Variants in MND1 observed in about 807,000 individuals in gnomAD.
MND1 encodes meiotic nuclear divisions 1.
Under a neutral mutation model 35.1 loss-of-function variants are expected in MND1, and 28 were observed. The observed-to-expected ratio is 0.80, with a 90% CI of 0.59 to 1.09. The LOEUF is 1.09. Among genes scored for constraint, MND1 ranks in the 50% least tolerant of loss-of-function variants. The pLI, the probability that MND1 is intolerant of heterozygous loss-of-function variation, is 0.00. For missense variants in MND1, 213 were observed against 239.6 expected, an observed-to-expected ratio of 0.89 and a Z score of 0.73; for synonymous variants, 69 against 70.5, an observed-to-expected ratio of 0.98 and a Z score of 0.11.
At chr4:153,361,140 T>C (rs964017758) in intron 4 of MND1, among the ~76,000 whole-genome samples, 3 of 152,200 alleles carry the variant, frequency 2.0e-5, no homozygotes, top group Admixed American at 6.5e-5. Context: ...CCTGTAACCC[T>C]GTGCACTTTA....
chr4:153,406,441 G>A (rs946267598), intron 6 of MND1, among the ~76,000 whole-genome samples: 11 of 152,012 alleles, frequency 7.2e-5, no homozygotes, highest in Non-Finnish European at 1.3e-4. Context: ...AGAATCGCTT[G>A]AACCAGGAAG....
At chr4:153,408,916 A>G (rs768937420) in intron 6 of MND1, 55 bp from the exon 7 acceptor site, 177 of 415,924 alleles carry the variant, frequency 4.3e-4, no homozygotes, top group African/African-American at 1.0e-3. Flanking sequence ...TTGTGTGTAT[A>G]TATATATATA....
intron 4 of MND1, among the ~76,000 whole-genome samples, chr4:153,376,501 T>C (rs1021436124): frequency 3.3e-5 from 5 of 152,206 alleles, no homozygotes; most frequent in African/African-American, 1.2e-4. Context: ...TCCTCCATTT[T>C]ACTTTGGCTT....
chr4:153,363,061 T>G (rs1249865955), intron 4 of MND1: 8 of 969,420 alleles, frequency 8.3e-6, no homozygotes, highest in Non-Finnish European at 8.6e-6. Context: ...AGTTTGCTGG[T>G]ACTTTGAGCT....
chr4:153,369,659 G>A (rs577262843), intron 4 of MND1, among the ~76,000 whole-genome samples: 1 of 151,358 alleles, frequency 6.6e-6, no homozygotes, highest in South Asian at 2.1e-4. Context: ...GTATTGCCTT[G>A]ATCTTGATGG....
intron 1 of MND1, among the ~76,000 whole-genome samples, chr4:153,349,526 C>G (rs1561052738): frequency 6.6e-6 from 1 of 152,188 alleles, no homozygotes; most frequent in Non-Finnish European, 1.5e-5. Context: ...CATACAATAA[C>G]TGTCCCCCAC....
intron 3 of MND1, among the ~76,000 whole-genome samples, chr4:153,356,148 G>C (rs1478419387): frequency 6.6e-6 from 1 of 152,132 alleles, no homozygotes; most frequent in African/African-American, 2.4e-5. Flanking sequence ...CCAGTTATTA[G>C]ACTGGTTTCC....
At position 153,374,269 on chromosome 4, in the gene MND1, C is replaced by T. The variant is rs114472992; in HGVS notation, c.276+15647C>T. Among the ~76,000 whole-genome samples the T allele has an allele frequency of 3.7e-3, 567 of 152,234 alleles. 2 individuals are homozygous for T. The highest frequency in any genetic ancestry group is 0.013 in the African/African-American group (522 of 41,538). On this transcript the variant is annotated intron_variant, in intron 4 of 7. Coordinates refer to ENST00000240488, the MANE Select transcript of MND1 (RefSeq NM_032117.4). ...TTAGTTAGAACAAATATTTGAGGGT[C>T]TACTGTGTGTAAAACATTTTACCAG...
chr4:153,386,178 G>C (rs1241644531), intron 4 of MND1, among the ~76,000 whole-genome samples: 1 of 151,394 alleles, frequency 6.6e-6, no homozygotes, highest in African/African-American at 2.4e-5. Flanking sequence ...TTTGTTTTTT[G>C]TTTTTTGTTT....
intron 4 of MND1, among the ~76,000 whole-genome samples, chr4:153,368,330 A>G (rs1401035017): frequency 3.9e-5 from 6 of 152,182 alleles, no homozygotes; most frequent in Non-Finnish European, 7.3e-5. Context: ...TTTTATCACA[A>G]GTAAAATATA....
chr4:153,347,218 G>A (rs1311868985), intron 1 of MND1, among the ~76,000 whole-genome samples: 1 of 152,150 alleles, frequency 6.6e-6, no homozygotes, highest in Non-Finnish European at 1.5e-5. Flanking sequence ...TGATTTGTCA[G>A]ATACTGCAGA....
intron 4 of MND1, among the ~76,000 whole-genome samples, chr4:153,359,247 C>CTA (rs1773420198): frequency 6.6e-6 from 1 of 152,190 alleles, no homozygotes; most frequent in South Asian, 2.1e-4. Flanking sequence ...TTTACTGTCT[C>CTA]TATAGTTTTA....
At position 153,350,077 on chromosome 4, in the gene MND1, G is replaced by T. The variant is rs773086645; in HGVS notation, c.17G>T (p.Gly6Val). MSKKKGLSAEEKRTRM... is the reference protein window; with the variant it reads MSKKKVLSAEEKRTRM... ...TTTTTGCTTTAGTCAAAGAAAAAAG[G>T]ACTGAGTGCAGAAGAAAAGAGAACT... is the stretch of plus-strand genomic sequence containing the variant. The change falls in exon 2 of 8, where the codon GGA becomes GTA. Residue 6 changes from glycine (G) to valine (V), a missense_variant. Coordinates refer to ENST00000240488, the MANE Select transcript of MND1 (RefSeq NM_032117.4). 6.2e-7 allele frequency: 1 copy of T among 1,601,812 alleles called. No individual in the cohort carries two copies. The highest frequency in any genetic ancestry group is 1.1e-5 in the South Asian group (1 of 88,558).
chr4:153,363,422 G>C (rs1449890621), intron 4 of MND1, among the ~76,000 whole-genome samples: 1 of 152,122 alleles, frequency 6.6e-6, no homozygotes, highest in Non-Finnish European at 1.5e-5. Context: ...GCTTTAGCCA[G>C]GCTGGTCTCG....
intron 7 of MND1, 33 bp downstream of exon 7, chr4:153,409,048 C>G: frequency 8.0e-7 from 1 of 1,256,316 alleles, no homozygotes; most frequent in Non-Finnish European, 1.0e-6. Flanking sequence ...TAAACTATAG[C>G]TAAATTCCCT....
intron 7 of MND1, among the ~76,000 whole-genome samples, chr4:153,413,833 C>T (rs934262814): frequency 6.6e-6 from 1 of 152,170 alleles, no homozygotes; most frequent in Non-Finnish European, 1.5e-5. Context: ...TATTATGGCA[C>T]TGGGATAAAG....
Position 153,371,716 on chromosome 4 carries a change from G to A in MND1, c.276+13094G>A, listed in dbSNP as rs569660188. On this transcript the variant is annotated intron_variant, in intron 4 of 7. Transcript: ENST00000240488. Reference sequence around the variant, plus strand: ...AAAACTTTCTCTATCTCAGCAATACGGCTGTTTTGCTTTCTCATCATTTGC... The same window carrying A: ...AAAACTTTCTCTATCTCAGCAATACAGCTGTTTTGCTTTCTCATCATTTGC... Among the ~76,000 whole-genome samples the A allele has an allele frequency of 8.5e-5, 13 of 152,096 alleles. No homozygotes were observed. The South Asian group carries it at 1.7e-3, about 19-fold the overall frequency.
intron 6 of MND1, among the ~76,000 whole-genome samples, chr4:153,408,429 C>T (rs1051307407): frequency 2.0e-5 from 3 of 151,808 alleles, no homozygotes; most frequent in Non-Finnish European, 2.9e-5. Context: ...CAGAGTAACT[C>T]GAAGTACATA....
chr4:153,414,611 C>T, intron 7 of MND1, 140 bp from the exon 8 acceptor site: 2 of 460,800 alleles, frequency 4.3e-6, no homozygotes, highest in Non-Finnish European at 3.9e-6. Flanking sequence ...GTTGCCATTA[C>T]TCTTAAAAAT....
Sources: gnomAD v4.1 joint callset for allele counts (sites outside exome capture counted in the v4.1 genomes callset) on GRCh38, gnomAD v4.1.1 for gene constraint, MANE v1.5 for transcripts, NCBI Gene and HGNC (gene_info 2026-07-23, HGNC 2026-07-21) for gene names.